Variants in ADAMTSL3 observed in about 807,000 individuals in gnomAD.
The protein encoded by ADAMTSL3 is ADAMTS-like protein 3.
Under a neutral mutation model 201.7 loss-of-function variants are expected in ADAMTSL3, and 128 were observed. The observed-to-expected ratio is 0.63, with a 90% CI of 0.55 to 0.73. The LOEUF (loss-of-function observed/expected upper bound fraction) is 0.73. Ranked by LOEUF, ADAMTSL3 falls within the 30% of genes least tolerant of loss-of-function variation. The pLI is 0.00. For missense variants in ADAMTSL3, 1,990 were observed against 2,119.6 expected, an observed-to-expected ratio of 0.94 and a Z score of 1.20; for synonymous variants, 738 against 748.4, an observed-to-expected ratio of 0.99 and a Z score of 0.23.
At position 83,884,338 on chromosome 15, in the gene ADAMTSL3, C is replaced by CCTTTTTTTTTTTT. The variant is rs1305026027; in HGVS notation, c.961-763_961-762insCTTTTTTTTTTTT. Among the ~76,000 whole-genome samples, 12 of 114,486 alleles carry CCTTTTTTTTTTTT rather than the reference C, an allele frequency of 1.0e-4. 3 individuals are homozygous for CCTTTTTTTTTTTT. The highest frequency in any genetic ancestry group is 6.9e-5 in the African/African-American group (2 of 28,892). 75.1% of individuals were successfully genotyped at this position (114,486 alleles called of 152,430 possible). On this transcript the variant is annotated intron_variant, in intron 9 of 29. Transcript: ENST00000286744. ...TGTTACCTCATTGGTGCCCTATTTC[C>CCTTTTTTTTTTTT]TTTTTTTTTTTTTTTTTTTTTTGAG...
chr15:83,743,535 A>C (rs1423092831), intron 3 of ADAMTSL3, among the ~76,000 whole-genome samples: 3 of 151,408 alleles, frequency 2.0e-5, no homozygotes, highest in Non-Finnish European at 2.9e-5. Context: ...AAAAAAAAAA[A>C]AAAAAAAGTG....
intron 3 of ADAMTSL3, among the ~76,000 whole-genome samples, chr15:83,706,521 T>C (rs1281168991): frequency 1.3e-5 from 2 of 152,234 alleles, no homozygotes; most frequent in Non-Finnish European, 2.9e-5. Flanking sequence ...TTTCCTCTAC[T>C]AAAGGCACAG....
chr15:83,693,756 T>G (rs147848079), intron 2 of ADAMTSL3, among the ~76,000 whole-genome samples: 104 of 152,270 alleles, frequency 6.8e-4, no homozygotes, highest in Non-Finnish European at 1.1e-3. Context: ...AGTTAGAATA[T>G]GAGCTCCTTG....
chr15:83,769,699 G>A (rs2062948105), intron 3 of ADAMTSL3, among the ~76,000 whole-genome samples: 1 of 152,000 alleles, frequency 6.6e-6, no homozygotes, highest in Admixed American at 6.6e-5. Flanking sequence ...AAAATTATTG[G>A]AAAACCCCCT....
intron 20 of ADAMTSL3, among the ~76,000 whole-genome samples, chr15:83,978,026 C>G (rs966422123): frequency 1.3e-5 from 2 of 152,234 alleles, no homozygotes; most frequent in Non-Finnish European, 2.9e-5. Context: ...AGCACCAGCC[C>G]AGCAGCCATA....
chr15:83,942,982 A>C lies in ADAMTSL3; in HGVS notation c.2390A>C (p.Asn797Thr), dbSNP rs747448374. The C allele has an allele frequency of 6.2e-7, 1 of 1,614,094 alleles. No homozygotes were observed. Among genetic ancestry groups the C allele is most frequent in the East Asian group, 2.2e-5 (1 of 44,860 alleles). Residue 797 changes from asparagine to threonine, a missense_variant, in exon 19 of 30, where the codon AAT becomes ACT. Physicochemically the swap from Asn to Thr is moderately conservative, Grantham distance 65. Coordinates refer to ENST00000286744, the MANE Select transcript of ADAMTSL3 (RefSeq NM_207517.3). ...RQLLTDGSFL[N>T]LSDELCQGPK... ...CTGCTAACGGATGGCAGCTTTTTGA[A>C]TCTCTCAGATGAATTGTGCCAAGGA...
intron 7 of ADAMTSL3, among the ~76,000 whole-genome samples, chr15:83,838,891 C>T (rs1014725621): frequency 6.6e-6 from 1 of 152,134 alleles, no homozygotes; most frequent in African/African-American, 2.4e-5. Flanking sequence ...GCTTTGCTGG[C>T]CATATAGTCT....
intron 20 of ADAMTSL3, among the ~76,000 whole-genome samples, chr15:83,981,854 G>A: frequency 6.6e-6 from 1 of 152,196 alleles, no homozygotes; most frequent in East Asian, 1.9e-4. Flanking sequence ...GTAGAGACCT[G>A]ACATATCAGA....
intron 27 of ADAMTSL3, among the ~76,000 whole-genome samples, chr15:84,026,251 A>G (rs1024853417): frequency 9.2e-5 from 14 of 152,210 alleles, no homozygotes; most frequent in Admixed American, 5.2e-4. Context: ...GCAGTTAATC[A>G]TAGGAGAAAA....
intron 3 of ADAMTSL3, 95 bp downstream of exon 3, chr15:83,704,603 C>T (rs751324461): frequency 6.6e-6 from 10 of 1,519,164 alleles, no homozygotes; most frequent in Non-Finnish European, 8.9e-6. Context: ...TTATATTTTC[C>T]TCTTTGCAAT....
At chr15:83,686,075 C>T (rs980220657) in intron 2 of ADAMTSL3, among the ~76,000 whole-genome samples, 3 of 152,160 alleles carry the variant, frequency 2.0e-5, no homozygotes, top group South Asian at 2.1e-4. Flanking sequence ...AAGTAGCAGA[C>T]GCCTCTCTTT....
chr15:84,031,853 G>A (rs778798146), intron 28 of ADAMTSL3, among the ~76,000 whole-genome samples: 1 of 152,190 alleles, frequency 6.6e-6, no homozygotes, highest in African/African-American at 2.4e-5. Context: ...TGTCACAGTG[G>A]TTGGCAGATA....
At chr15:83,665,332 T>C (rs1386509955) in intron 2 of ADAMTSL3, among the ~76,000 whole-genome samples, 1 of 152,082 alleles carries the variant, frequency 6.6e-6, no homozygotes, top group Non-Finnish European at 1.5e-5. Context: ...AGGAGTAGTT[T>C]GGGGGACTAC....
chr15:83,987,357 C>T (rs1163054624), intron 21 of ADAMTSL3, among the ~76,000 whole-genome samples: 1 of 152,194 alleles, frequency 6.6e-6, no homozygotes, highest in East Asian at 1.9e-4. Context: ...TCATACTATT[C>T]TAATCATTCA....
At chr15:83,729,740 T>C (rs185119325) in intron 3 of ADAMTSL3, among the ~76,000 whole-genome samples, 1 of 152,228 alleles carries the variant, frequency 6.6e-6, no homozygotes, top group African/African-American at 2.4e-5. Flanking sequence ...TCTCTGTCAC[T>C]CCAGAATTGG....
chr15:83,694,580 A>G (rs932633592), intron 2 of ADAMTSL3, among the ~76,000 whole-genome samples: 4 of 152,112 alleles, frequency 2.6e-5, no homozygotes, highest in Non-Finnish European at 4.4e-5. Context: ...CTTAAGTAAA[A>G]TTTTTGGGGG....
At chr15:84,003,060 C>T (rs1364968480) in intron 23 of ADAMTSL3, among the ~76,000 whole-genome samples, 11 of 150,146 alleles carry the variant, frequency 7.3e-5, no homozygotes, top group Middle Eastern at 6.9e-3. Context: ...TGTGCTAAGG[C>T]GATCCTCCTG....
chr15:83,960,289 A>C (rs7166414), intron 19 of ADAMTSL3, among the ~76,000 whole-genome samples: 3,087 of 152,346 alleles, frequency 0.02, 107 homozygotes, highest in African/African-American at 0.071. Flanking sequence ...GTCTTCAATG[A>C]ACAATGAAAT....
intron 3 of ADAMTSL3, among the ~76,000 whole-genome samples, chr15:83,761,275 T>C (rs2062805271): frequency 6.6e-6 from 1 of 152,194 alleles, no homozygotes; most frequent in Admixed American, 6.5e-5. Flanking sequence ...TTCTGACTCA[T>C]AGGCTGTCAT....
Sources: gnomAD v4.1 joint callset for allele counts (sites outside exome capture counted in the v4.1 genomes callset) on GRCh38, gnomAD v4.1.1 for gene constraint, MANE v1.5 for transcripts, NCBI Gene and HGNC (gene_info 2026-07-23, HGNC 2026-07-21) for gene names.